ENSA: variants seen among roughly 807,000 people sequenced by gnomAD.
ENSA encodes the protein endosulfine alpha.
ENSA carries 7 observed loss-of-function variants against 16.8 expected under a neutral mutation model. The observed-to-expected ratio is 0.42, with a 90% CI of 0.24 to 0.78. The LOEUF (loss-of-function observed/expected upper bound fraction) is 0.78, where lower values mean the gene tolerates loss of function less well. ENSA is among the 30% of genes least tolerant of loss of function. The pLI is 0.29. For synonymous variants in ENSA, 58 were observed against 53.4 expected (o/e 1.09, Z -0.37); for missense variants, 87 against 142.3 (o/e 0.61, Z 1.98).
In ENSA at chr1:150,622,631, G is replaced by C. The variant is rs1262621242; in HGVS notation, c.*213C>G. On this transcript the variant is annotated 3_prime_UTR_variant, in exon 4 of 4. Coordinates refer to ENST00000369014, the MANE Select transcript of ENSA (RefSeq NM_004436.4). ...TCTCCCAACTGTTATTTGGAAAAAAGGTAAAACAAAAAAGGTTCAAGGTCT... is the reference window on the plus strand; with the variant it reads ...TCTCCCAACTGTTATTTGGAAAAAACGTAAAACAAAAAAGGTTCAAGGTCT... 2.5e-5 allele frequency: 3 copies of C among 122,176 alleles called. No individual in the cohort carries two copies. The highest frequency in any genetic ancestry group is 2.9e-4 in the Admixed American group (2 of 6,846). 7.6% of individuals were successfully genotyped at this position (122,176 alleles called of 1,614,324 possible).
intron 1 of ENSA, among the ~76,000 whole-genome samples, chr1:150,628,614 G>A (rs1649514988): frequency 6.6e-6 from 1 of 151,756 alleles, no homozygotes. Flanking sequence ...ATTACGCATA[G>A]ATATAACACC....
Position 150,623,217 on chromosome 1 carries a change from G to C in ENSA, c.351-358C>G, listed in dbSNP as rs587673036. 15 of 1,078,474 alleles carry C rather than the reference G, an allele frequency of 1.4e-5. No individual in the cohort carries two copies. In the South Asian group the frequency reaches 3.2e-4, roughly 23 times the overall value. 66.8% of individuals were successfully genotyped at this position (1,078,474 alleles called of 1,614,324 possible). A position where few individuals can be genotyped will look rare whatever the true frequency, so the allele number is the denominator to read the frequency against. On this transcript the variant is annotated intron_variant, in intron 3 of 3. Transcript: ENST00000369014. ...AGGCATGGCCACAGCTACTTGCAAA[G>C]ACTGAGGTAGCACAGAGATGAGGTG...
chr1:150,625,255 T>C, intron 3 of ENSA: 1 of 996,028 alleles, frequency 1.0e-6, no homozygotes, highest in South Asian at 4.7e-5. Flanking sequence ...CCAACTACGT[T>C]AGGTTAGCCT....
At position 150,629,210 on chromosome 1, in the gene ENSA, G is replaced by A. The variant is rs1205545208; in HGVS notation, c.57+204C>T. 6.9e-5 allele frequency: 109 copies of A among 1,585,792 alleles called. 1 individual carries two copies. The Admixed American group carries it at 1.7e-3, about 25-fold the overall frequency. On this transcript the variant is annotated intron_variant, in intron 1 of 3. Transcript: ENST00000369014. The stretch of plus-strand genomic sequence containing the variant: ...AGCGGTAGGCCTATTGGCCAATCAG[G>A]AAGAGTACAGTACTGAGTGACAAAC...
At chr1:150,629,288 T>A (rs1649574015) in intron 1 of ENSA, 126 bp downstream of exon 1, 1 of 1,518,060 alleles carries the variant, frequency 6.6e-7, no homozygotes, top group Non-Finnish European at 8.9e-7. Context: ...TCACCCAGCG[T>A]GACGCAAAAA....
At chr1:150,627,110 A>C in intron 2 of ENSA, 2 of 1,404,894 alleles carry the variant, frequency 1.4e-6, no homozygotes, top group East Asian at 5.2e-5. Context: ...GAAATGATGC[A>C]TCCCAAAATT....
At chr1:150,627,953 G>A (rs1649464712) in intron 1 of ENSA, among the ~76,000 whole-genome samples, 1 of 152,130 alleles carries the variant, frequency 6.6e-6, no homozygotes, top group Admixed American at 6.5e-5. Context: ...TAGAGGATGA[G>A]TAGCAGGGTT....
Position 150,622,774 on chromosome 1 carries a change from G to T in ENSA, c.*70C>A, listed in dbSNP as rs1012220816. The T allele has an allele frequency of 6.6e-7, 1 of 1,522,642 alleles. No homozygotes were observed. The highest frequency in any genetic ancestry group is 1.4e-5 in the African/African-American group (1 of 71,258). 94.3% of individuals were successfully genotyped at this position (1,522,642 alleles called of 1,614,324 possible). On this transcript the variant is annotated 3_prime_UTR_variant, in exon 4 of 4. Transcript: ENST00000369014. ...TGGCTGCAAAAGCAGGAAGGGGCAG[G>T]AGCCAGCACAGGACCCGGGTGGGGC...
At chr1:150,624,745 C>G in intron 3 of ENSA, 1 of 985,478 alleles carries the variant, frequency 1.0e-6, no homozygotes. Context: ...GCCTTCCTCA[C>G]TTTTAGTTTT....
In ENSA at chr1:150,629,568, T is replaced by G. The variant is rs1466735201; in HGVS notation, c.-98A>C. On this transcript the variant is annotated 5_prime_UTR_variant, in exon 1 of 4. Coordinates refer to ENST00000369014, the MANE Select transcript of ENSA (RefSeq NM_004436.4). ...GGACAACCTGCGCTGCTGCTTCGGC[T>G]CCTGTCACTAGGGTTGCTCAGTCAA... 1 of 1,471,874 alleles carries G rather than the reference T, an allele frequency of 6.8e-7. No individual in the cohort carries two copies. The highest frequency in any genetic ancestry group is 9.3e-7 in the Non-Finnish European group (1 of 1,079,772). 91.2% of individuals were successfully genotyped at this position (1,471,874 alleles called of 1,614,324 possible). A position where few individuals can be genotyped will look rare whatever the true frequency, so the allele number is the denominator to read the frequency against.
rs946433576 is a variant in ENSA at position 150,625,288 on chromosome 1, T to C, written c.350+354A>G. 3.0e-5 allele frequency: 30 copies of C among 1,011,596 alleles called. No homozygotes were observed. In the African/African-American group the frequency reaches 4.5e-4, roughly 15 times the overall value. The allele number at this position is 1,011,596 out of a possible 1,614,324, so 62.7% of individuals were successfully genotyped here. A position where few individuals can be genotyped will look rare whatever the true frequency, so the allele number is the denominator to read the frequency against. On this transcript the variant is annotated intron_variant, in intron 3 of 3. Transcript: ENST00000369014. ...CCTTGGGATGTTAAACCTGCCAAAC[T>C]ATTCCCAAGGCTCAGCCTAATCAAT... is the stretch of plus-strand genomic sequence containing the variant.
At chr1:150,623,205 G>A (rs1478498817) in intron 3 of ENSA, 1 of 1,096,762 alleles carries the variant, frequency 9.1e-7, no homozygotes, top group Non-Finnish European at 1.1e-6. Flanking sequence ...CATGGCCACA[G>A]CTACTTGCAA....
At chr1:150,627,174 G>A in intron 2 of ENSA, 1 of 1,478,452 alleles carries the variant, frequency 6.8e-7, no homozygotes, top group Non-Finnish European at 8.9e-7. Flanking sequence ...ATTCAAACAG[G>A]CAAATGCCTG....
At chr1:150,625,182 T>C in intron 3 of ENSA, 3 of 986,142 alleles carry the variant, frequency 3.0e-6, no homozygotes, top group Non-Finnish European at 2.4e-6. Flanking sequence ...CATGAAGCAA[T>C]AGCAGCCTAA....
In ENSA at chr1:150,627,572, A is replaced by G; in HGVS notation, c.78T>C (p.Gly26=). The G allele has an allele frequency of 6.2e-7, 1 of 1,611,966 alleles. No individual in the cohort carries two copies. Among genetic ancestry groups the G allele is most frequent in the Non-Finnish European group, 8.5e-7 (1 of 1,179,472 alleles). The stretch of plus-strand genomic sequence containing the variant: ...CCTCTTCAGCTCTCTCAGGCAGAAT[A>G]CCTTCTTTCTCCTGCGTGTCCTGGA... The part of the protein sequence containing the change: ...EEKQDTQEKE[G]ILPERAEEAK... The change falls in exon 2 of 4, where the codon GGT becomes GGC. Residue 26 remains glycine (G), a synonymous_variant. Coordinates refer to ENST00000369014, the MANE Select transcript of ENSA (RefSeq NM_004436.4).
In ENSA at chr1:150,625,720, A is replaced by T. The variant is rs1274682857; in HGVS notation, c.272T>A (p.Leu91Gln). Residue 91 changes from leucine (L) to glutamine (Q), a missense_variant, in exon 3 of 4, where the codon CTG becomes CAG. Coordinates refer to ENST00000369014, the MANE Select transcript of ENSA (RefSeq NM_004436.4). Reference sequence around the variant, plus strand: ...GGTGGGGATGTGATCACCAGTCACCAGGTTCTTGTCTGGTCCTGCACTTGG... The same window carrying T: ...GGTGGGGATGTGATCACCAGTCACCTGGTTCTTGTCTGGTCCTGCACTTGG... ...QLPSAGPDKNLVTGDHIPTPQ... is the reference protein window; with the variant it reads ...QLPSAGPDKNQVTGDHIPTPQ... The T allele has an allele frequency of 6.2e-7, 1 of 1,613,130 alleles. No homozygotes were observed. The highest frequency in any genetic ancestry group is 8.5e-7 in the Non-Finnish European group (1 of 1,179,668).
intron 3 of ENSA, chr1:150,624,657 T>C: frequency 1.0e-6 from 1 of 985,550 alleles, no homozygotes; most frequent in Non-Finnish European, 1.2e-6. Context: ...CAATTTACTC[T>C]CTCCTCATGT....
chr1:150,628,575 T>C (rs955636274), intron 1 of ENSA, among the ~76,000 whole-genome samples: 3 of 152,266 alleles, frequency 2.0e-5, no homozygotes, highest in African/African-American at 7.2e-5. Context: ...TGACTCTTTT[T>C]AGTGGAATTA....
At chr1:150,628,808 A>G (rs587757890) in intron 1 of ENSA, among the ~76,000 whole-genome samples, 43 of 152,188 alleles carry the variant, frequency 2.8e-4, no homozygotes, top group Admixed American at 1.0e-3. Context: ...GTCTTTTCCA[A>G]GTTTAATTAC....
Sources: allele counts gnomAD v4.1 joint callset (sites outside exome capture counted in the v4.1 genomes callset), GRCh38; gene constraint gnomAD v4.1.1; transcripts MANE v1.5; gene names NCBI Gene and HGNC (gene_info 2026-07-23, HGNC 2026-07-21).